The following TRAPPC8 variants were observed in gnomAD, a reference collection of about 807,000 sequenced individuals.
TRAPPC8 encodes general sporulation gene 1 homolog.
TRAPPC8 carries 54 observed loss-of-function variants against 174.3 expected under a neutral mutation model. The observed-to-expected ratio is 0.31, with a 90% CI of 0.25 to 0.39. The LOEUF (loss-of-function observed/expected upper bound fraction) is 0.39, where lower values mean the gene tolerates loss of function less well. Ranked by LOEUF, TRAPPC8 falls within the 10% of genes least tolerant of loss-of-function variation. The pLI, the probability that TRAPPC8 is intolerant of heterozygous loss-of-function variation, is 1.00. For missense variants in TRAPPC8, 1,531 were observed against 1,699.1 expected, an observed-to-expected ratio of 0.90 and a Z score of 1.74; for synonymous variants, 630 against 579.9, an observed-to-expected ratio of 1.09 and a Z score of -1.24.
intron 12 of TRAPPC8, among the ~76,000 whole-genome samples, chr18:31,886,962 C>G (rs186176302): frequency 3.5e-3 from 528 of 150,746 alleles, no homozygotes; most frequent in Non-Finnish European, 4.8e-3. Flanking sequence ...GCCTGGGTGA[C>G]ACACACACAC....
At chr18:31,937,080 G>A (rs1006366130) in intron 1 of TRAPPC8, among the ~76,000 whole-genome samples, 1 of 152,008 alleles carries the variant, frequency 6.6e-6, no homozygotes, top group Non-Finnish European at 1.5e-5. Context: ...CAGGCGTGGT[G>A]GTGGGCGCCT....
intron 21 of TRAPPC8, among the ~76,000 whole-genome samples, 184 bp from the exon 22 acceptor site, chr18:31,854,129 T>C (rs1337043869): frequency 6.6e-6 from 1 of 152,168 alleles, no homozygotes; most frequent in East Asian, 1.9e-4. Context: ...ACATCAACAT[T>C]TTGTCCAAGA....
chr18:31,837,841 C>T (rs2032848026), intron 27 of TRAPPC8, among the ~76,000 whole-genome samples: 1 of 151,980 alleles, frequency 6.6e-6, no homozygotes, highest in African/African-American at 2.4e-5. Context: ...CCTGCAATGG[C>T]TGACTCTTAC....
intron 13 of TRAPPC8, 166 bp downstream of exon 13, chr18:31,874,314 A>C: frequency 1.6e-6 from 1 of 623,618 alleles, no homozygotes; most frequent in South Asian, 2.2e-5. Context: ...TGGAAGGGGC[A>C]ATGTAACCAA....
intron 12 of TRAPPC8, among the ~76,000 whole-genome samples, chr18:31,882,828 G>A (rs1042853995): frequency 2.0e-5 from 3 of 150,958 alleles, no homozygotes; most frequent in Non-Finnish European, 4.4e-5. Context: ...TGTTGGCCAG[G>A]CTGGTCTCGA....
chr18:31,913,315 G>A (rs2036997242), intron 5 of TRAPPC8, 54 bp downstream of exon 5: 23 of 1,508,132 alleles, frequency 1.5e-5, no homozygotes, highest in African/African-American at 2.8e-5. Flanking sequence ...AAACCAAAAC[G>A]TAAAAACTGA....
chr18:31,928,488 C>T (rs2037718238), intron 2 of TRAPPC8, among the ~76,000 whole-genome samples: 1 of 151,958 alleles, frequency 6.6e-6, no homozygotes, highest in Non-Finnish European at 1.5e-5. Context: ...TACCACTGCA[C>T]ACCAGCCTTA....
chr18:31,905,625 T>C (rs1167934424), intron 9 of TRAPPC8, among the ~76,000 whole-genome samples: 1 of 152,202 alleles, frequency 6.6e-6, no homozygotes, highest in Non-Finnish European at 1.5e-5. Context: ...TACCATTTAA[T>C]GTTTTTGTTT....
chr18:31,830,495 T>A lies in TRAPPC8; in HGVS notation c.*260A>T. The A allele has an allele frequency of 2.5e-6, 1 of 403,370 alleles. No homozygotes were observed. The highest frequency in any genetic ancestry group is 4.4e-6 in the Non-Finnish European group (1 of 225,036). The allele number at this position is 403,370 out of a possible 1,614,324, so 25.0% of individuals were successfully genotyped here. On this transcript the variant is annotated 3_prime_UTR_variant, in exon 29 of 29. Coordinates refer to ENST00000283351, the MANE Select transcript of TRAPPC8 (RefSeq NM_014939.5). The stretch of plus-strand genomic sequence containing the variant: ...CTTTGTGTTTTCTTAAGATGGGGCT[T>A]AATAAGGTGCACAAATATGCTGATA...
chr18:31,857,974 AAAG>A lies in TRAPPC8; in HGVS notation c.2751_2753del (p.Phe918del). 1 of 1,602,934 alleles carries A rather than the reference AAAG, an allele frequency of 6.2e-7. No homozygotes were observed. Among genetic ancestry groups the A allele is most frequent in the Non-Finnish European group, 8.5e-7 (1 of 1,174,750 alleles). On this transcript the variant is annotated inframe_deletion, in exon 20 of 29. Transcript: ENST00000283351. The stretch of plus-strand genomic sequence containing the variant: ...AGAGAAGCCCTGTAGGAAAATGTAT[AAAG>A]AACACCTGCATTGGAGGGAAAAAAT...
At chr18:31,919,586 A>G (rs1208781077) in intron 2 of TRAPPC8, among the ~76,000 whole-genome samples, 1 of 69,408 alleles carries the variant, frequency 1.4e-5, no homozygotes, top group East Asian at 5.1e-4. Flanking sequence ...ATAAATAAAT[A>G]AATAAAATAA....
chr18:31,942,538 C>A, intron 1 of TRAPPC8, 70 bp downstream of exon 1: 1 of 1,453,924 alleles, frequency 6.9e-7, no homozygotes, highest in South Asian at 1.4e-5. Context: ...TCTTCCCTGC[C>A]CGCCCGCAAC....
At chr18:31,893,973 A>C (rs1368081011) in intron 11 of TRAPPC8, among the ~76,000 whole-genome samples, 1 of 152,222 alleles carries the variant, frequency 6.6e-6, no homozygotes. Flanking sequence ...AGAATATTTA[A>C]TGGTTTGCAA....
intron 5 of TRAPPC8, among the ~76,000 whole-genome samples, chr18:31,910,043 T>G (rs536844566): frequency 6.6e-6 from 1 of 152,246 alleles, no homozygotes; most frequent in African/African-American, 2.4e-5. Flanking sequence ...ATATATGATA[T>G]GTATATACAC....
chr18:31,876,091 C>A (rs573252486), intron 12 of TRAPPC8, among the ~76,000 whole-genome samples: 9 of 152,292 alleles, frequency 5.9e-5, no homozygotes, highest in African/African-American at 1.9e-4. Context: ...AGTTCACTGA[C>A]TTGATCTTTA....
intron 2 of TRAPPC8, among the ~76,000 whole-genome samples, chr18:31,920,705 C>T (rs553764908): frequency 1.3e-5 from 2 of 151,960 alleles, no homozygotes; most frequent in African/African-American, 4.8e-5. Context: ...TTTGGGAGGC[C>T]GAGGCAGGCG....
intron 25 of TRAPPC8, 92 bp from the exon 26 acceptor site, chr18:31,846,909 G>A: frequency 1.3e-6 from 1 of 743,534 alleles, no homozygotes; most frequent in Non-Finnish European, 2.2e-6. Context: ...GAAATAATAT[G>A]GCCAATATCT....
chr18:31,830,809 A>G lies in TRAPPC8; in HGVS notation c.4254T>C (p.Phe1418=), dbSNP rs575503524. Residue 1418 remains phenylalanine, a synonymous_variant, in exon 29 of 29, where the codon TTT becomes TTC. Coordinates refer to ENST00000283351, the MANE Select transcript of TRAPPC8 (RefSeq NM_014939.5). ...GCATGGAATTCTGCTGACTTGTTTC[A>G]AACACTGTAACTTGGTCCGATAACT... ...FAKLSDQVTV[F]ETSQQNSMPA... The G allele has an allele frequency of 1.2e-6, 2 of 1,614,222 alleles. No homozygotes were observed. Among genetic ancestry groups the G allele is most frequent in the Admixed American group, 1.7e-5 (1 of 60,026 alleles).
intron 24 of TRAPPC8, 22 bp from the exon 25 acceptor site, chr18:31,849,761 T>G (rs756905855): frequency 1.9e-6 from 3 of 1,560,008 alleles, no homozygotes; most frequent in Admixed American, 2.1e-5. Flanking sequence ...AAATCACTTG[T>G]GTTCATAAAT....
Sources: gnomAD v4.1 joint callset for allele counts (sites outside exome capture counted in the v4.1 genomes callset) on GRCh38, gnomAD v4.1.1 for gene constraint, MANE v1.5 for transcripts, NCBI Gene and HGNC (gene_info 2026-07-23, HGNC 2026-07-21) for gene names.